CCNL2: variants seen among roughly 807,000 people sequenced by gnomAD.
CCNL2 encodes cyclin L2.
Under a neutral mutation model 59.1 loss-of-function variants are expected in CCNL2, and 28 were observed. That is an observed-to-expected ratio of 0.47 (90% confidence interval 0.35 to 0.65). The LOEUF is 0.65. Ranked by LOEUF, CCNL2 falls within the 30% of genes least tolerant of loss-of-function variation. CCNL2 has a pLI of 0.00. For synonymous variants in CCNL2, 342 were observed against 288.6 expected, an observed-to-expected ratio of 1.19 and a Z score of -1.88; for missense variants, 714 against 717.4, an observed-to-expected ratio of 1.00 and a Z score of 0.05.
chr1:1,387,386 G>C lies in CCNL2; in HGVS notation c.1408C>G (p.Arg470Gly). 1 of 1,614,158 alleles carries C rather than the reference G, an allele frequency of 6.2e-7. No individual in the cohort carries two copies. The highest frequency in any genetic ancestry group is 8.5e-7 in the Non-Finnish European group (1 of 1,180,036). The change falls in exon 11 of 11, where the codon CGA becomes GGA. Residue 470 changes from arginine to glycine, a missense_variant. Physicochemically the swap from Arg to Gly is moderately radical, Grantham distance 125 (BLOSUM62 -2). This residue lies in a region of CCNL2 where 403 missense variants were observed against 377.7 expected (regional missense o/e 1.07). Transcript: ENST00000400809. The stretch of plus-strand genomic sequence containing the variant: ...TCCGCCCGCTCCCGTGACCTGCTTC[G>C]AGAACGGGAAGAACTCCGGCTCCGA... ...KSRSRSSSRS[R>G]SRSRERADNP...
In CCNL2 at chr1:1,398,223, A is replaced by C. The variant is rs201398522; in HGVS notation, c.473+10T>G. ...ATCTATGATAGACTAGACAGCTCTG[A>C]CTGACTCACTTTTTGTCTCTCAGCT... On this transcript the variant is annotated intron_variant, in intron 3 of 10. Transcript: ENST00000400809. The C allele has an allele frequency of 1.2e-6, 2 of 1,613,360 alleles. No individual in the cohort carries two copies. The highest frequency in any genetic ancestry group is 2.7e-5 in the African/African-American group (2 of 75,062).
chr1:1,391,109 T>G, intron 5 of CCNL2: 1 of 1,242,436 alleles, frequency 8.0e-7, no homozygotes, highest in Non-Finnish European at 1.0e-6. Context: ...AAAAGCTGGC[T>G]GAATGTCAGA....
chr1:1,395,539 T>C (rs370665083), intron 3 of CCNL2, 25 bp from the exon 4 acceptor site: 24 of 1,613,248 alleles, frequency 1.5e-5, no homozygotes, highest in Admixed American at 1.0e-4. Flanking sequence ...GCACAGGGTC[T>C]GCACCACAGT....
chr1:1,395,304 C>T, intron 4 of CCNL2, 90 bp downstream of exon 4: 3 of 1,474,048 alleles, frequency 2.0e-6, no homozygotes, highest in Non-Finnish European at 2.8e-6. Flanking sequence ...CAGTCCTCTT[C>T]AGAGCCTTCA....
chr1:1,399,283 AGCCGCCGCCGCC>A lies in CCNL2; in HGVS notation c.12_23del (p.Ala5_Ala8del). On this transcript the variant is annotated inframe_deletion, in exon 1 of 11. Coordinates refer to ENST00000400809, the MANE Select transcript of CCNL2 (RefSeq NM_030937.6). ...CGGGAGCTGCCGACCCTGCAGCACC[AGCCGCCGCCGCC>A]GCCGCCGCCATTTTGTGCCGCCGAC... 1 of 1,470,890 alleles carries A rather than the reference AGCCGCCGCCGCC, an allele frequency of 6.8e-7. No homozygotes were observed. The highest frequency in any genetic ancestry group is 8.9e-7 in the Non-Finnish European group (1 of 1,118,698). The allele number at this position is 1,470,890 out of a possible 1,614,324, so 91.1% of individuals were successfully genotyped here.
chr1:1,388,350 AT>A lies in CCNL2; in HGVS notation c.1007-286del, dbSNP rs1242349356. The A allele has an allele frequency of 3.3e-5, 14 of 419,604 alleles. No individual in the cohort carries two copies. The Admixed American group carries it at 4.9e-4, about 15-fold the overall frequency. The allele number at this position is 419,604 out of a possible 1,614,324, so 26.0% of individuals were successfully genotyped here. ...ATCCTGCCCAACATGGTGAAACCCC[AT>A]CTCTACTAAAACTACAAAAATTAGC... On this transcript the variant is annotated intron_variant, in intron 8 of 10. Coordinates refer to ENST00000400809, the MANE Select transcript of CCNL2 (RefSeq NM_030937.6).
chr1:1,385,819 T>C lies in CCNL2; in HGVS notation c.*1412A>G, dbSNP rs1644437460. On this transcript the variant is annotated 3_prime_UTR_variant, in exon 11 of 11. Transcript: ENST00000400809. ...GGTACAGGTGTGTATGGCCCTTTAC[T>C]GGTTCTCTTACTTCCAGGCACAGGA... 1 of 152,184 alleles carries C rather than the reference T, an allele frequency of 6.6e-6. No homozygotes were observed. Among genetic ancestry groups the C allele is most frequent in the Non-Finnish European group, 1.5e-5 (1 of 68,024 alleles). 9.4% of individuals were successfully genotyped at this position (152,184 alleles called of 1,614,324 possible). A position where few individuals can be genotyped will look rare whatever the true frequency, so the allele number is the denominator to read the frequency against.
chr1:1,398,958 A>C, intron 1 of CCNL2, 61 bp downstream of exon 1: 1 of 1,502,656 alleles, frequency 6.7e-7, no homozygotes, highest in Non-Finnish European at 8.9e-7. Context: ...ACTCGCCGCC[A>C]ACAAAGGCGG....
intron 5 of CCNL2, chr1:1,391,653 G>A (rs1644769200): frequency 3.8e-6 from 3 of 790,632 alleles, no homozygotes; most frequent in African/African-American, 1.8e-5. Context: ...ACATAATACT[G>A]AACATTTCAT....
At position 1,387,207 on chromosome 1, in the gene CCNL2, G is replaced by T; in HGVS notation, c.*24C>A. On this transcript the variant is annotated 3_prime_UTR_variant, in exon 11 of 11. Coordinates refer to ENST00000400809, the MANE Select transcript of CCNL2 (RefSeq NM_030937.6). ...GGTACTCCCCAGGGAAGGGCTTGCG[G>T]CCACCAGTCACTGCAACCCCGCCTC... 1 of 1,578,722 alleles carries T rather than the reference G, an allele frequency of 6.3e-7. No homozygotes were observed. Among genetic ancestry groups the T allele is most frequent in the Non-Finnish European group, 8.6e-7 (1 of 1,163,076 alleles).
chr1:1,387,577 CT>C lies in CCNL2; in HGVS notation c.1216del (p.Ser406ValfsTer121). 1.3e-6 allele frequency: 2 copies of C among 1,487,248 alleles called. No individual in the cohort carries two copies. The allele number at this position is 1,487,248 out of a possible 1,614,324, so 92.1% of individuals were successfully genotyped here. On this transcript the variant is annotated frameshift_variant, in exon 11 of 11. Coordinates refer to ENST00000400809, the MANE Select transcript of CCNL2 (RefSeq NM_030937.6). LOFTEE classifies it high-confidence loss of function. ...SRSASPKRRK[S>X]DSGSTSGGSK... ...CCCACCAGATGTGGAGCCGCTGTCA[CT>C]TTTCCTGGGAGGAAGAACAGCACCA...
In CCNL2 at chr1:1,399,256, C is replaced by T. The variant is rs1245355745; in HGVS notation, c.51G>A (p.Ala17=). 1.4e-5 allele frequency: 22 copies of T among 1,581,478 alleles called. No individual in the cohort carries two copies. Among genetic ancestry groups the T allele is most frequent in the Non-Finnish European group, 1.8e-5 (21 of 1,167,362 alleles). Residue 17 remains alanine, a synonymous_variant, in exon 1 of 11, where the codon GCG becomes GCA. Coordinates refer to ENST00000400809, the MANE Select transcript of CCNL2 (RefSeq NM_030937.6). ...AAGAAGSAAP[A]AAAGAPGSGG... is the part of the protein sequence containing the mutation. The stretch of plus-strand genomic sequence containing the variant: ...CAGATCCCGGGGCGCCGGCCGCTGC[C>T]GCGGGAGCTGCCGACCCTGCAGCAC...
Position 1,393,439 on chromosome 1 carries a change from C to G in CCNL2, c.616G>C (p.Val206Leu). Residue 206 changes from valine (V) to leucine (L), a missense_variant, in exon 5 of 11, where the codon GTG becomes CTG. Physicochemically the swap from Val to Leu is conservative, Grantham distance 32. This residue lies in a region of CCNL2 where 19 missense variants were observed against 20.1 expected (regional missense o/e 0.94). Transcript: ENST00000400809. ...TGTTGGTTACGCTCACACTCTAACA[C>G]CTGAAGGTACATAACGATTATCTGG... The part of the protein sequence containing the change: ...PHKIIVMYLQ[V>L]LECERNQHLV... 6.2e-7 allele frequency: 1 copy of G among 1,614,120 alleles called. No homozygotes were observed. Among genetic ancestry groups the G allele is most frequent in the Non-Finnish European group, 8.5e-7 (1 of 1,179,972 alleles).
Position 1,386,910 on chromosome 1 carries a change from TGCCAGGCCAC to T in CCNL2, c.*311_*320del. 1 of 307,538 alleles carries T rather than the reference TGCCAGGCCAC, an allele frequency of 3.3e-6. No homozygotes were observed. Among genetic ancestry groups the T allele is most frequent in the Non-Finnish European group, 6.0e-6 (1 of 166,308 alleles). The allele number at this position is 307,538 out of a possible 1,614,324, so 19.1% of individuals were successfully genotyped here. On this transcript the variant is annotated 3_prime_UTR_variant, in exon 11 of 11. Transcript: ENST00000400809. ...AGCGGCTGCCGATAGCACCAGGCCA[TGCCAGGCCAC>T]GCCAACAAGGGCGTGTGCATTCACT...
At chr1:1,395,322 T>G in intron 4 of CCNL2, 72 bp downstream of exon 4, 1 of 1,569,334 alleles carries the variant, frequency 6.4e-7, no homozygotes, top group Non-Finnish European at 8.7e-7. Flanking sequence ...TCAACTGCAC[T>G]GAGGTGGAGA....
Position 1,393,378 on chromosome 1 carries a change from CAAGG to C in CCNL2, c.659+14_659+17del. ...CACTGCCCTTGCTGGTCTCATAAAACAAGGAAGCTCAACTCACCATGAGGTCTGG... is the reference window on the plus strand; with the variant it reads ...CACTGCCCTTGCTGGTCTCATAAAACAAGCTCAACTCACCATGAGGTCTGG... On this transcript the variant is annotated intron_variant, in intron 5 of 10. Transcript: ENST00000400809. The C allele has an allele frequency of 1.2e-6, 2 of 1,611,962 alleles. No individual in the cohort carries two copies. The highest frequency in any genetic ancestry group is 1.1e-5 in the South Asian group (1 of 91,034).
intron 4 of CCNL2, chr1:1,395,103 G>A (rs940540813): frequency 1.5e-5 from 5 of 333,580 alleles, no homozygotes; most frequent in Non-Finnish European, 2.2e-5. Context: ...GTAGAGAAAG[G>A]AAAACATAAA....
rs1436586721 is a variant in CCNL2 at position 1,386,319 on chromosome 1, G to C, written c.*912C>G. The C allele has an allele frequency of 6.6e-6, 1 of 152,252 alleles. No homozygotes were observed. The allele number at this position is 152,252 out of a possible 1,614,324, so 9.4% of individuals were successfully genotyped here. A position where few individuals can be genotyped will look rare whatever the true frequency, so the allele number is the denominator to read the frequency against. On this transcript the variant is annotated 3_prime_UTR_variant, in exon 11 of 11. Transcript: ENST00000400809. ...GTCATCCTGATGGGCAGAGGACTCA[G>C]GCCCCTCACAAGCCTTCGGCAGAAG...
intron 5 of CCNL2, chr1:1,391,604 G>A (rs773396781): frequency 2.4e-6 from 3 of 1,262,908 alleles, no homozygotes; most frequent in Non-Finnish European, 3.2e-6. Flanking sequence ...AGAATCAGAA[G>A]CAACACAATA....
Sources: allele counts gnomAD v4.1 joint callset, GRCh38; gene constraint gnomAD v4.1.1; regional missense constraint gnomAD v4.1.1; transcripts MANE v1.5; gene names NCBI Gene and HGNC (gene_info 2026-07-23, HGNC 2026-07-21).